Variants in BAZ2B observed in about 807,000 individuals in gnomAD.
BAZ2B encodes the protein bromodomain adjacent to zinc finger domain 2B.
BAZ2B carries 91 observed loss-of-function variants against 246.0 expected under a neutral mutation model. The observed-to-expected ratio is 0.37, with a 90% CI of 0.31 to 0.44. The LOEUF (loss-of-function observed/expected upper bound fraction) is 0.44. BAZ2B is among the 20% of genes least tolerant of loss of function. The pLI is 1.00. For missense variants in BAZ2B, 2,332 were observed against 2,533.7 expected, an observed-to-expected ratio of 0.92 and a Z score of 1.71; for synonymous variants, 855 against 860.0, an observed-to-expected ratio of 0.99 and a Z score of 0.10.
At chr2:159,327,435 A>G (rs987622708) in intron 34 of BAZ2B, among the ~76,000 whole-genome samples, 1 of 152,228 alleles carries the variant, frequency 6.6e-6, no homozygotes. Flanking sequence ...CACTTTCACC[A>G]TATGATATCA....
At chr2:159,509,120 G>A (rs979793054) in intron 2 of BAZ2B, among the ~76,000 whole-genome samples, 2 of 152,006 alleles carry the variant, frequency 1.3e-5, no homozygotes, top group African/African-American at 4.8e-5. Flanking sequence ...AATCATTATA[G>A]TCCTCTCTCT....
chr2:159,530,692 C>T (rs188081953), intron 2 of BAZ2B, among the ~76,000 whole-genome samples: 5 of 152,052 alleles, frequency 3.3e-5, no homozygotes, highest in Admixed American at 6.6e-5. Context: ...AAAGTAAGGC[C>T]GAGTGCAGTG....
chr2:159,346,558 A>G (rs181346979), intron 31 of BAZ2B, among the ~76,000 whole-genome samples: 3 of 152,204 alleles, frequency 2.0e-5, no homozygotes, highest in African/African-American at 7.2e-5. Flanking sequence ...TACAAAAATT[A>G]GTGGGGCATC....
At chr2:159,574,592 T>G (rs1684841565) in intron 1 of BAZ2B, among the ~76,000 whole-genome samples, 1 of 152,192 alleles carries the variant, frequency 6.6e-6, no homozygotes, top group South Asian at 2.1e-4. Context: ...TACATGAATG[T>G]TCACAGCAAC....
rs1205020610 is a variant in BAZ2B, at chr2:159,557,846, T to C, written c.-45-1981A>G. Among the ~76,000 whole-genome samples the C allele has an allele frequency of 2.6e-5, 4 of 152,050 alleles. No homozygotes were observed. In the South Asian group the frequency reaches 8.3e-4, roughly 32 times the overall value. ...AATAAAAACTCTTCAAGAATTACTA[T>C]CTATTTAAAGAAAATATGCCATAAC... is the stretch of plus-strand genomic sequence containing the variant. On this transcript the variant is annotated intron_variant, in intron 1 of 36. Transcript: ENST00000392783.
At chr2:159,704,660 T>G in the BAZ2B span, among the ~76,000 whole-genome samples, 1 of 152,004 alleles carries the variant, frequency 6.6e-6, no homozygotes, top group Non-Finnish European at 1.5e-5. Context: ...TTTTTGTATT[T>G]TTAGTAGAGA....
intron 1 of BAZ2B, among the ~76,000 whole-genome samples, chr2:159,611,588 T>C (rs935907715): frequency 5.3e-5 from 8 of 151,956 alleles, no homozygotes; most frequent in African/African-American, 1.9e-4. Context: ...AAAATTTATA[T>C]TGTAGAGGAA....
At chr2:159,674,406 G>A in the BAZ2B span, among the ~76,000 whole-genome samples, 33 of 149,014 alleles carry the variant, frequency 2.2e-4, no homozygotes, top group South Asian at 2.1e-4. Flanking sequence ...AAAGAGAAGA[G>A]AAGAAAAGAA....
chr2:159,338,847 A>AG (rs1430366526), intron 31 of BAZ2B, among the ~76,000 whole-genome samples: 3 of 152,122 alleles, frequency 2.0e-5, no homozygotes, highest in Non-Finnish European at 4.4e-5. Context: ...TCTCTGCCAG[A>AG]AGTCAGTATT....
chr2:159,549,560 C>T lies in BAZ2B; in HGVS notation c.-3+6263G>A, dbSNP rs560058673. Among the ~76,000 whole-genome samples the T allele has an allele frequency of 5.3e-5, 8 of 152,154 alleles. No individual in the cohort carries two copies. The South Asian group carries it at 1.7e-3, about 32-fold the overall frequency. ...CTGGATGAAGAGGGATTGTGTTGAA[C>T]CACACATAAAATACAGTAACACGAA... On this transcript the variant is annotated intron_variant, in intron 2 of 36. Coordinates refer to ENST00000392783, the MANE Select transcript of BAZ2B (RefSeq NM_013450.4).
At chr2:159,501,584 C>A (rs760323771) in intron 2 of BAZ2B, among the ~76,000 whole-genome samples, 5 of 152,032 alleles carry the variant, frequency 3.3e-5, no homozygotes, top group Non-Finnish European at 7.4e-5. Flanking sequence ...CATGATTTTA[C>A]ACTTTTTAAA....
At chr2:159,573,640 A>T (rs761537067) in intron 1 of BAZ2B, among the ~76,000 whole-genome samples, 7 of 152,236 alleles carry the variant, frequency 4.6e-5, no homozygotes, top group African/African-American at 7.2e-5. Context: ...AAGCACAAGC[A>T]ATCAAAGGAA....
the BAZ2B span, among the ~76,000 whole-genome samples, chr2:159,646,459 G>T: frequency 6.6e-6 from 1 of 151,992 alleles, no homozygotes; most frequent in East Asian, 1.9e-4. Context: ...ATCCTTCTCA[G>T]CTTATGAGAT....
intron 2 of BAZ2B, among the ~76,000 whole-genome samples, chr2:159,527,412 C>A (rs2084878269): frequency 6.6e-6 from 1 of 152,052 alleles, no homozygotes; most frequent in Non-Finnish European, 1.5e-5. Context: ...GTTTTTTCAT[C>A]ATCTTAACAG....
At chr2:159,551,212 A>G (rs559305257) in intron 2 of BAZ2B, among the ~76,000 whole-genome samples, 130 of 152,226 alleles carry the variant, frequency 8.5e-4, no homozygotes, top group South Asian at 2.1e-3. Flanking sequence ...GCTCACGCCT[A>G]TAATCCCAGC....
At chr2:159,622,094 G>A in the BAZ2B span, among the ~76,000 whole-genome samples, 5 of 147,842 alleles carry the variant, frequency 3.4e-5, no homozygotes, top group African/African-American at 5.0e-5. Context: ...CAACAAGAGC[G>A]AAACTCCATC....
At chr2:159,406,853 T>A (rs972462039) in intron 14 of BAZ2B, among the ~76,000 whole-genome samples, 1 of 151,898 alleles carries the variant, frequency 6.6e-6, no homozygotes, top group Non-Finnish European at 1.5e-5. Flanking sequence ...CTCCCAGGTT[T>A]ACGCCATTCT....
intron 17 of BAZ2B, among the ~76,000 whole-genome samples, chr2:159,399,240 T>C (rs1354155941): frequency 2.0e-5 from 3 of 152,184 alleles, no homozygotes; most frequent in Non-Finnish European, 4.4e-5. Context: ...GTTTTTCTGA[T>C]TTTAAAAGTA....
At chr2:159,665,719 T>G in the BAZ2B span, among the ~76,000 whole-genome samples, 4 of 150,716 alleles carry the variant, frequency 2.7e-5, no homozygotes, top group African/African-American at 9.8e-5. Flanking sequence ...GATTAAAGAT[T>G]TAAACGTTAG....
Sources: allele counts gnomAD v4.1 joint callset (sites outside exome capture counted in the v4.1 genomes callset), GRCh38; gene constraint gnomAD v4.1.1; transcripts MANE v1.5; gene names NCBI Gene and HGNC (gene_info 2026-07-23, HGNC 2026-07-21).